Variants in RGPD2 observed in about 807,000 individuals in gnomAD.
RGPD2 encodes RANBP2-like and GRIP domain-containing protein 2.
In RGPD2, 2 loss-of-function variants were observed where a neutral mutation model predicts 36.0. That is an observed-to-expected ratio of 0.06 (90% CI 0.02 to 0.17). RGPD2 has a LOEUF of 0.17. Among genes scored for constraint, RGPD2 ranks in the 10% least tolerant of loss-of-function variants. The probability of loss-of-function intolerance (pLI) is 1.00; values close to 1 mark genes in which losing one functional copy is unlikely to be tolerated. For missense variants in RGPD2, 40 were observed against 464.3 expected, an observed-to-expected ratio of 0.09 and a Z score of 8.40; for synonymous variants, 19 against 163.8, an observed-to-expected ratio of 0.12 and a Z score of 6.75.
the RGPD2 span, among the ~76,000 whole-genome samples, chr2:87,916,167 G>A: frequency 6.6e-6 from 1 of 152,002 alleles, no homozygotes; most frequent in South Asian, 2.1e-4. Context: ...ATCGAGACAA[G>A]CTTTTACTGT....
At chr2:87,802,401 AC>A (rs1354483310) in intron 7 of RGPD2, among the ~76,000 whole-genome samples, 2 of 145,348 alleles carry the variant, frequency 1.4e-5, no homozygotes, top group Non-Finnish European at 3.0e-5. Context: ...CTTTATATAT[AC>A]TGACATGGAA....
At chr2:87,761,161 T>G (rs1684878766) in intron 22 of RGPD2, among the ~76,000 whole-genome samples, 1 of 43,348 alleles carries the variant, frequency 2.3e-5, no homozygotes, top group Non-Finnish European at 4.7e-5. Flanking sequence ...TTTTTATTTC[T>G]AGTATTTCAT....
At chr2:87,769,726 G>T (rs1323619893) in intron 22 of RGPD2, among the ~76,000 whole-genome samples, 1 of 151,658 alleles carries the variant, frequency 6.6e-6, no homozygotes, top group Non-Finnish European at 1.5e-5. Context: ...CATTCTTAAA[G>T]TCCTGGTTAA....
the RGPD2 span, among the ~76,000 whole-genome samples, chr2:87,893,239 T>G: frequency 1.3e-5 from 2 of 151,872 alleles, no homozygotes. Flanking sequence ...TTCCATCTTT[T>G]TATTGGCCTA....
intron 1 of RGPD2, chr2:87,825,175 C>G: frequency 2.5e-6 from 1 of 393,184 alleles, no homozygotes; most frequent in East Asian, 3.6e-5. Flanking sequence ...ACTGATCATT[C>G]TATTTCCCCC....
chr2:87,847,491 G>A, the RGPD2 span, among the ~76,000 whole-genome samples: 1 of 143,336 alleles, frequency 7.0e-6, no homozygotes, highest in African/African-American at 2.5e-5. Flanking sequence ...TGACATAATT[G>A]TTTTTTAATT....
chr2:87,956,336 C>T, the RGPD2 span, among the ~76,000 whole-genome samples: 1 of 152,004 alleles, frequency 6.6e-6, no homozygotes, highest in Non-Finnish European at 1.5e-5. Flanking sequence ...AGGTGAGAAT[C>T]TTCTTAGACC....
chr2:87,937,069 A>T, the RGPD2 span, among the ~76,000 whole-genome samples: 1 of 151,880 alleles, frequency 6.6e-6, no homozygotes, highest in African/African-American at 2.4e-5. Flanking sequence ...GGAGAAAACA[A>T]ATATAAAATA....
the RGPD2 span, among the ~76,000 whole-genome samples, chr2:87,957,506 T>C: frequency 1.3e-5 from 2 of 152,230 alleles, no homozygotes; most frequent in African/African-American, 4.8e-5. Context: ...TCCTGGTTCA[T>C]AGATGGCAGT....
the RGPD2 span, among the ~76,000 whole-genome samples, chr2:87,863,695 C>CATGT: frequency 5.4e-5 from 8 of 149,416 alleles, no homozygotes; most frequent in Middle Eastern, 0.01. Flanking sequence ...TACACAAATA[C>CATGT]GTGTGTGTGT....
chr2:87,870,286 G>A, the RGPD2 span, among the ~76,000 whole-genome samples: 5 of 152,354 alleles, frequency 3.3e-5, no homozygotes, highest in South Asian at 6.2e-4. Context: ...ATGTGCAATC[G>A]AGCCAATCTT....
At chr2:87,809,683 A>C (rs1288333188) in intron 6 of RGPD2, among the ~76,000 whole-genome samples, 2 of 150,116 alleles carry the variant, frequency 1.3e-5, no homozygotes, top group African/African-American at 2.4e-5. Flanking sequence ...CCTAAGCCAC[A>C]CTGTGAAACT....
At chr2:87,972,711 C>T in the RGPD2 span, 172 of 1,605,114 alleles carry the variant, frequency 1.1e-4, no homozygotes, top group East Asian at 2.3e-3. Context: ...GCACTTCGGG[C>T]GCCGCAACAG....
chr2:87,843,783 T>C, the RGPD2 span, among the ~76,000 whole-genome samples: 25 of 152,112 alleles, frequency 1.6e-4, no homozygotes, highest in Non-Finnish European at 3.4e-4. Context: ...TGTGGCACTA[T>C]TCACAATAGC....
chr2:87,867,723 C>T, the RGPD2 span, among the ~76,000 whole-genome samples: 12 of 150,980 alleles, frequency 7.9e-5, no homozygotes, highest in African/African-American at 2.9e-4. Context: ...ATTTAACAAG[C>T]ATTGTTTATT....
the RGPD2 span, chr2:87,985,638 C>T: frequency 8.1e-7 from 1 of 1,231,816 alleles, no homozygotes; most frequent in South Asian, 1.3e-5. Context: ...TATGGTACGC[C>T]TATTATGTAG....
chr2:87,829,516 G>A (rs1308511186), upstream of RGPD2, among the ~76,000 whole-genome samples: 2 of 152,160 alleles, frequency 1.3e-5, no homozygotes. Context: ...AAAAACAGAA[G>A]TTTAATGGAC....
At chr2:87,857,589 G>A in the RGPD2 span, among the ~76,000 whole-genome samples, 15 of 151,016 alleles carry the variant, frequency 9.9e-5, no homozygotes, top group Middle Eastern at 3.4e-3. Flanking sequence ...TGATCCGCCC[G>A]CCTCGGCCTC....
the RGPD2 span, among the ~76,000 whole-genome samples, chr2:87,988,539 A>ATTTTTT: frequency 4.2e-5 from 1 of 24,044 alleles, no homozygotes; most frequent in African/African-American, 7.7e-5. Flanking sequence ...ATATATATAT[A>ATTTTTT]TATTTTTTTT....
Sources: allele counts gnomAD v4.1 joint callset (sites outside exome capture counted in the v4.1 genomes callset), GRCh38; gene constraint gnomAD v4.1.1; transcripts MANE v1.5; gene names NCBI Gene and HGNC (gene_info 2026-07-23, HGNC 2026-07-21).